AGAP4: variants seen among roughly 807,000 people sequenced by gnomAD.
AGAP4 encodes the protein arf-GAP with GTPase, ANK repeat and PH domain-containing protein 4.
A neutral mutation model predicts 60.7 loss-of-function variants in AGAP4; 13 were observed. The ratio of observed to expected loss-of-function variants is 0.21; its 90% CI spans 0.14 to 0.34. The LOEUF is 0.34. AGAP4 is among the 10% of genes least tolerant of loss of function. The pLI, the probability that AGAP4 is intolerant of heterozygous loss-of-function variation, is 1.00. For synonymous variants in AGAP4, 70 were observed against 339.0 expected (o/e 0.21, Z 8.72); for missense variants, 169 against 884.0 (o/e 0.19, Z 10.26).
At chr10:45,849,636 G>C (rs1405025456), upstream of AGAP4, among the ~76,000 whole-genome samples, 2 of 150,206 alleles carry the variant, frequency 1.3e-5, no homozygotes, top group African/African-American at 5.0e-5. Flanking sequence ...CAACCTTGCT[G>C]AACACTATTT....
Position 45,847,155 on chromosome 10 carries a change from G to A in AGAP4, c.193C>T (p.His65Tyr), listed in dbSNP as rs2059012774. The change falls in exon 1 of 8, where the codon CAC (histidine) becomes TAC (tyrosine). Residue 65 changes from histidine (H) to tyrosine (Y), a missense_variant. By Grantham distance (83) the His-to-Tyr change is moderately conservative (BLOSUM62 2). Coordinates refer to ENST00000616763, the MANE Select transcript of AGAP4 (RefSeq NM_001276343.3). ...GGCATCTCCCGGTCACGAACGTGGT[G>A]CATGTGGAGGTCCTCACCAACTTCA... ...TVEVGEDLHMHHVRDREMPEA... is the reference protein window; with the variant it reads ...TVEVGEDLHMYHVRDREMPEA... 1.2e-6 allele frequency: 2 copies of A among 1,600,368 alleles called. No individual in the cohort carries two copies. Among genetic ancestry groups the A allele is most frequent in the African/African-American group, 1.3e-5 (1 of 74,816 alleles).
chr10:45,830,114 C>T (rs1225626325), intron 6 of AGAP4, among the ~76,000 whole-genome samples: 1 of 149,048 alleles, frequency 6.7e-6, no homozygotes, highest in Non-Finnish European at 1.5e-5. Flanking sequence ...TGTCTGAAAA[C>T]TTTAAAAATA....
chr10:45,843,970 T>C (rs1376004764), intron 3 of AGAP4, among the ~76,000 whole-genome samples: 1 of 149,870 alleles, frequency 6.7e-6, no homozygotes, highest in Non-Finnish European at 1.5e-5. Flanking sequence ...CTATCATTCA[T>C]CTTTAAAATG....
intron 6 of AGAP4, among the ~76,000 whole-genome samples, chr10:45,829,540 C>A (rs1327593752): frequency 4.0e-5 from 6 of 151,872 alleles, no homozygotes; most frequent in Admixed American, 2.6e-4. Context: ...CATAACGAAA[C>A]CCTGTCACTG....
rs1293609594 is a variant in AGAP4, at chr10:45,853,606, C to T, written n.221+49G>A. On this transcript the variant is annotated intron_variant and non_coding_transcript_variant, in intron 1 of 9. Transcript: ENST00000430779. Reference sequence around the variant, plus strand: ...CAATTATCATTCTACACACAGGCAGCGATAAAGGGAGTAAAAAAACACAGC... The same window carrying T: ...CAATTATCATTCTACACACAGGCAGTGATAAAGGGAGTAAAAAAACACAGC... 6.9e-5 allele frequency: 89 copies of T among 1,282,830 alleles called. No homozygotes were observed. In the East Asian group the frequency reaches 7.2e-4, roughly 10 times the overall value. The allele number at this position is 1,282,830 out of a possible 1,614,324, so 79.5% of individuals were successfully genotyped here. A position where few individuals can be genotyped will look rare whatever the true frequency, so the allele number is the denominator to read the frequency against.
intron 2 of AGAP4, 136 bp from the exon 3 acceptor site, chr10:45,844,530 A>G: frequency 2.5e-5 from 37 of 1,464,340 alleles, no homozygotes; most frequent in Non-Finnish European, 3.4e-5. Context: ...GAATGTATAG[A>G]CATAAGAGAG....
chr10:45,839,289 AC>A (rs2058879119), intron 4 of AGAP4, among the ~76,000 whole-genome samples: 1 of 120,762 alleles, frequency 8.3e-6, no homozygotes, highest in African/African-American at 2.8e-5. Context: ...CAGGTTGTGA[AC>A]TTACAGGCAA....
intron 1 of AGAP4, chr10:45,853,634 T>C (rs2135981758): frequency 1.6e-6 from 2 of 1,286,380 alleles, no homozygotes; most frequent in South Asian, 1.2e-5. Flanking sequence ...AACACAGCCA[T>C]GGATCGGGAG....
intron 3 of AGAP4, 40 bp downstream of exon 3, chr10:45,844,286 T>G: frequency 6.3e-7 from 1 of 1,593,724 alleles, no homozygotes; most frequent in Non-Finnish European, 8.5e-7. Flanking sequence ...AACAAGAGCT[T>G]TTATTCTTTC....
upstream of AGAP4, chr10:45,853,887 G>C (rs1307220539): frequency 3.3e-6 from 4 of 1,209,292 alleles, no homozygotes; most frequent in Non-Finnish European, 4.2e-6. Context: ...GTTCAGTTCA[G>C]GTCTCTCATG....
chr10:45,848,086 A>G (rs1554899840), upstream of AGAP4: 2 of 988,694 alleles, frequency 2.0e-6, no homozygotes, highest in Admixed American at 5.6e-5. Flanking sequence ...ATATAGATAC[A>G]CCTGAATTGT....
chr10:45,848,862 G>T (rs1399128015), upstream of AGAP4: 1 of 150,882 alleles, frequency 6.6e-6, no homozygotes, highest in African/African-American at 2.4e-5. Context: ...AGAAGGGCAG[G>T]TCCGACTTCC....
At chr10:45,843,923 T>G (rs1168560138) in intron 3 of AGAP4, among the ~76,000 whole-genome samples, 5 of 150,084 alleles carry the variant, frequency 3.3e-5, no homozygotes, top group South Asian at 2.1e-4. Flanking sequence ...AACGACTATG[T>G]TTTTTAATTT....
At position 45,825,620 on chromosome 10, in the gene AGAP4, C is replaced by T. The variant is rs1180071166; in HGVS notation, c.*295G>A. ...ACAAAAATCAATGCATATTTATGAACTTTATTTCAAATATATTTTCACACA... is the reference window on the plus strand; with the variant it reads ...ACAAAAATCAATGCATATTTATGAATTTTATTTCAAATATATTTTCACACA... On this transcript the variant is annotated 3_prime_UTR_variant, in exon 8 of 8. Coordinates refer to ENST00000616763, the MANE Select transcript of AGAP4 (RefSeq NM_001276343.3). 59 of 466,318 alleles carry T rather than the reference C, an allele frequency of 1.3e-4. No homozygotes were observed. Among genetic ancestry groups the T allele is most frequent in the Non-Finnish European group, 2.0e-4 (52 of 257,028 alleles). 28.9% of individuals were successfully genotyped at this position (466,318 alleles called of 1,614,324 possible). A position where few individuals can be genotyped will look rare whatever the true frequency, so the allele number is the denominator to read the frequency against.
upstream of AGAP4, among the ~76,000 whole-genome samples, chr10:45,849,464 G>GATC (rs1317428801): frequency 7.4e-6 from 1 of 135,166 alleles, no homozygotes. Context: ...TGTAGATGAT[G>GATC]ATGATGATGA....
chr10:45,849,616 T>G (rs1213684406), upstream of AGAP4, among the ~76,000 whole-genome samples: 6 of 151,502 alleles, frequency 4.0e-5, no homozygotes, highest in Non-Finnish European at 7.4e-5. Context: ...GCTATTAACC[T>G]TTTATGCTTC....
chr10:45,844,289 A>G (rs2058966176), intron 3 of AGAP4, 37 bp downstream of exon 3: 4 of 1,593,690 alleles, frequency 2.5e-6, no homozygotes, highest in Non-Finnish European at 3.4e-6. Flanking sequence ...AAGAGCTTTT[A>G]TTCTTTCTCT....
At chr10:45,843,973 T>C (rs1391803843) in intron 3 of AGAP4, among the ~76,000 whole-genome samples, 1 of 149,896 alleles carries the variant, frequency 6.7e-6, no homozygotes, top group Non-Finnish European at 1.5e-5. Flanking sequence ...TCATTCATCT[T>C]TAAAATGTAC....
chr10:45,837,270 A>T (rs2058835804), intron 4 of AGAP4, among the ~76,000 whole-genome samples: 1 of 146,430 alleles, frequency 6.8e-6, no homozygotes, highest in South Asian at 2.3e-4. Context: ...GGTAGAATGA[A>T]TATTGTGAAA....
Sources: gnomAD v4.1 joint callset for allele counts (sites outside exome capture counted in the v4.1 genomes callset) on GRCh38, gnomAD v4.1.1 for gene constraint, MANE v1.5 for transcripts, NCBI Gene and HGNC (gene_info 2026-07-23, HGNC 2026-07-21) for gene names.